The following SPARCL1 variants were observed in gnomAD, a reference collection of about 807,000 sequenced individuals.
SPARCL1 encodes the protein SPARC-like protein 1.
A neutral mutation model predicts 67.1 loss-of-function variants in SPARCL1; 52 were observed. The ratio of observed to expected loss-of-function variants is 0.78; its 90% CI spans 0.62 to 0.98. SPARCL1 has a LOEUF of 0.98. Ranked by LOEUF, SPARCL1 falls within the 50% of genes least tolerant of loss-of-function variation. SPARCL1 has a pLI of 0.00. For missense variants in SPARCL1, 717 were observed against 782.4 expected, an observed-to-expected ratio of 0.92 and a Z score of 1.00; for synonymous variants, 226 against 267.8, an observed-to-expected ratio of 0.84 and a Z score of 1.52.
intron 7 of SPARCL1, among the ~76,000 whole-genome samples, chr4:87,487,440 T>C (rs1009857426): frequency 2.6e-5 from 4 of 152,234 alleles, no homozygotes; most frequent in Non-Finnish European, 4.4e-5. Context: ...TTCTTGCTTG[T>C]AGGGTTTCTG....
intron 7 of SPARCL1, among the ~76,000 whole-genome samples, chr4:87,487,132 A>G (rs568360201): frequency 6.6e-6 from 1 of 151,828 alleles, no homozygotes; most frequent in Admixed American, 6.6e-5. Context: ...TGATCCTGTC[A>G]TTATGATGCT....
At position 87,482,577 on chromosome 4, in the gene SPARCL1, A is replaced by G. The variant is rs753912789; in HGVS notation, c.1532-17T>C. On this transcript the variant is annotated splice_polypyrimidine_tract_variant and intron_variant, in intron 7 of 10. Transcript: ENST00000282470. ...TAGGAATAGCTGTTACAAGCAGAAA[A>G]TGTACTGTAATCTTTGGGCTTATTT... 9.9e-6 allele frequency: 16 copies of G among 1,613,644 alleles called. No individual in the cohort carries two copies. The highest frequency in any genetic ancestry group is 2.7e-5 in the African/African-American group (2 of 75,026).
rs189143813 is a variant in SPARCL1, at chr4:87,490,841, G to A, written c.1329C>T (p.Ile443=). The A allele has an allele frequency of 6.2e-7, 1 of 1,611,412 alleles. No individual in the cohort carries two copies. The highest frequency in any genetic ancestry group is 8.5e-7 in the Non-Finnish European group (1 of 1,178,640). The change falls in exon 6 of 11, where the codon ATC becomes ATT. Residue 443 remains isoleucine (I), a synonymous_variant. Transcript: ENST00000282470. ...GTTTTCCCTGTTGGTCTGCCTTACA[G>A]ATGTGGCCTCTTTTACACTGGAAGC... ...CMSFQCKRGH[I]CKADQQGKPH... is the part of the protein sequence containing the mutation.
intron 1 of SPARCL1, among the ~76,000 whole-genome samples, chr4:87,526,649 G>C (rs977403367): frequency 1.3e-5 from 2 of 152,194 alleles, no homozygotes; most frequent in East Asian, 1.9e-4. Flanking sequence ...TGAAGCCCAT[G>C]CTCTGTCCAC....
rs146544003 is a variant in SPARCL1, at chr4:87,507,581, C to T, written c.-11-7996G>A. On this transcript the variant is annotated intron_variant, in intron 1 of 10. Transcript: ENST00000282470. ...CTGCTTTTCCTGTGGTCTCACACCA[C>T]GCTACAATCAACACAGAAGACTTCT... Among the ~76,000 whole-genome samples the T allele has an allele frequency of 1.1e-4, 16 of 152,276 alleles. No individual in the cohort carries two copies. In the East Asian group the frequency reaches 1.9e-3, roughly 18 times the overall value.
chr4:87,509,803 CTG>C (rs753108314), intron 1 of SPARCL1, among the ~76,000 whole-genome samples: 58 of 152,280 alleles, frequency 3.8e-4, no homozygotes, highest in Middle Eastern at 3.4e-3. Flanking sequence ...GTGTGTATGT[CTG>C]TGTGTGTGCA....
At chr4:87,500,494 G>T (rs1724798951) in intron 1 of SPARCL1, among the ~76,000 whole-genome samples, 1 of 152,070 alleles carries the variant, frequency 6.6e-6, no homozygotes, top group Non-Finnish European at 1.5e-5. Context: ...ATATCCCTAA[G>T]TCTGGTAGTC....
intron 1 of SPARCL1, among the ~76,000 whole-genome samples, chr4:87,521,868 A>C (rs1339861481): frequency 6.6e-6 from 1 of 152,226 alleles, no homozygotes; most frequent in Non-Finnish European, 1.5e-5. Context: ...GGAAGCCTGT[A>C]GACTGCTATT....
intron 7 of SPARCL1, among the ~76,000 whole-genome samples, chr4:87,483,377 G>A (rs988677270): frequency 1.3e-5 from 2 of 152,092 alleles, no homozygotes; most frequent in African/African-American, 4.8e-5. Flanking sequence ...GAGAATGATG[G>A]TTTCCAGCTT....
rs371218317 is a variant in SPARCL1 at position 87,490,404 on chromosome 4, T to C, written c.1411-11A>G. 17 of 1,595,680 alleles carry C rather than the reference T, an allele frequency of 1.1e-5. No homozygotes were observed. Among genetic ancestry groups the C allele is most frequent in the Non-Finnish European group, 1.4e-5 (16 of 1,174,548 alleles). ...GTCAGTGCCACAAACCTATGGAAGATAAGTAGAAGAAAAAGCTGATAGAGC... is the reference window on the plus strand; with the variant it reads ...GTCAGTGCCACAAACCTATGGAAGACAAGTAGAAGAAAAAGCTGATAGAGC... On this transcript the variant is annotated splice_polypyrimidine_tract_variant and intron_variant, in intron 6 of 10. Coordinates refer to ENST00000282470, the MANE Select transcript of SPARCL1 (RefSeq NM_004684.6).
In SPARCL1 at chr4:87,494,343, G is replaced by T; in HGVS notation, c.457C>A (p.Gln153Lys). The stretch of plus-strand genomic sequence containing the variant: ...TCTCTCTTTGTGATACTTTCTTGTT[G>T]GTTAGAATCTGTGAAGGAACTAACA... ...PGVSSFTDSNQQESITKREEN... is the reference protein window; with the variant it reads ...PGVSSFTDSNKQESITKREEN... The change falls in exon 4 of 11, where the codon CAA becomes AAA. Residue 153 changes from glutamine to lysine, a missense_variant. Coordinates refer to ENST00000282470, the MANE Select transcript of SPARCL1 (RefSeq NM_004684.6). The T allele has an allele frequency of 6.2e-7, 1 of 1,614,032 alleles. No homozygotes were observed. The highest frequency in any genetic ancestry group is 1.1e-5 in the South Asian group (1 of 91,082).
chr4:87,502,650 TTC>T (rs1724898823), intron 1 of SPARCL1, among the ~76,000 whole-genome samples: 1 of 144,212 alleles, frequency 6.9e-6, no homozygotes, highest in African/African-American at 2.6e-5. Flanking sequence ...ACCCTGCAGT[TTC>T]TGTTTCCTTC....
At chr4:87,507,343 C>T (rs373763370) in intron 1 of SPARCL1, among the ~76,000 whole-genome samples, 36 of 152,264 alleles carry the variant, frequency 2.4e-4, no homozygotes, top group African/African-American at 6.7e-4. Flanking sequence ...TTAATCTGTC[C>T]GCATGATCTC....
chr4:87,479,169 T>C (rs990516572), intron 10 of SPARCL1, among the ~76,000 whole-genome samples: 5 of 151,940 alleles, frequency 3.3e-5, no homozygotes, highest in Admixed American at 1.3e-4. Context: ...GATTCACACG[T>C]CTTTCTAGGC....
rs543706477 is a variant in SPARCL1 at position 87,491,506 on chromosome 4, G to A, written c.1291+112C>T. ...GAGCATTTCCTTGGGGAGGACTGGG[G>A]AGAGAAAAAATTCTGTGCAGCATTC... is the stretch of plus-strand genomic sequence containing the variant. On this transcript the variant is annotated intron_variant, in intron 5 of 10. Coordinates refer to ENST00000282470, the MANE Select transcript of SPARCL1 (RefSeq NM_004684.6). 659 of 837,856 alleles carry A rather than the reference G, an allele frequency of 7.9e-4. 4 individuals are homozygous for A. The highest frequency in any genetic ancestry group is 1.1e-3 in the Middle Eastern group (5 of 4,556). 51.9% of individuals were successfully genotyped at this position (837,856 alleles called of 1,614,324 possible).
intron 1 of SPARCL1, 31 bp from the exon 2 acceptor site, chr4:87,499,616 A>C (rs1724766497): frequency 6.5e-7 from 1 of 1,531,556 alleles, no homozygotes; most frequent in African/African-American, 1.4e-5. Context: ...TATCAGTGGC[A>C]GGGAAAAGTT....
intron 1 of SPARCL1, chr4:87,504,762 T>C (rs1725006609): frequency 6.6e-6 from 1 of 152,092 alleles, no homozygotes; most frequent in South Asian, 2.1e-4. Flanking sequence ...AGATTTCACT[T>C]TGAGTTTGAG....
chr4:87,509,093 A>G (rs1015685093), intron 1 of SPARCL1, among the ~76,000 whole-genome samples: 1 of 148,916 alleles, frequency 6.7e-6, no homozygotes, highest in Non-Finnish European at 1.5e-5. Context: ...TAAATATATA[A>G]TATATTTATA....
intron 7 of SPARCL1, among the ~76,000 whole-genome samples, chr4:87,485,265 T>C (rs1277851263): frequency 1.3e-5 from 2 of 152,204 alleles, no homozygotes; most frequent in African/African-American, 4.8e-5. Context: ...ATTGAGAGTT[T>C]TTAGCATGAA....
Sources: gnomAD v4.1 joint callset for allele counts (sites outside exome capture counted in the v4.1 genomes callset) on GRCh38, gnomAD v4.1.1 for gene constraint, MANE v1.5 for transcripts, NCBI Gene and HGNC (gene_info 2026-07-23, HGNC 2026-07-21) for gene names.